CEP250: variants seen among roughly 807,000 people sequenced by gnomAD.
The protein encoded by CEP250 is centrosome-associated protein CEP250.
CEP250 carries 242 observed loss-of-function variants against 315.7 expected under a neutral mutation model. The ratio of observed to expected loss-of-function variants is 0.77; its 90% confidence interval spans 0.69 to 0.85. The LOEUF (loss-of-function observed/expected upper bound fraction) is 0.85. Among genes scored for constraint, CEP250 ranks in the 40% least tolerant of loss-of-function variants. CEP250 has a pLI of 0.00. For synonymous variants in CEP250, 1,088 were observed against 1,175.0 expected (o/e 0.93, Z 1.51); for missense variants, 2,515 against 2,886.4 (o/e 0.87, Z 2.95).
At chr20:35,511,146 G>A (rs2064343695) in intron 34 of CEP250, among the ~76,000 whole-genome samples, 1 of 152,184 alleles carries the variant, frequency 6.6e-6, no homozygotes, top group South Asian at 2.1e-4. Flanking sequence ...CGCTATTTGA[G>A]TCACATGTGC....
chr20:35,508,030 C>T lies in CEP250; in HGVS notation c.6751-5C>T. 1 of 1,614,138 alleles carries T rather than the reference C, an allele frequency of 6.2e-7. No individual in the cohort carries two copies. Among genetic ancestry groups the T allele is most frequent in the Non-Finnish European group, 8.5e-7 (1 of 1,180,016 alleles). On this transcript the variant is annotated splice_region_variant and splice_polypyrimidine_tract_variant and intron_variant, in intron 31 of 34. Transcript: ENST00000397527. ...CCAGGTGAGATTCACAGGTCTTTCC[C>T]ACAGGTCTCAGGAGTGGAGGCTGAG...
intron 4 of CEP250, among the ~76,000 whole-genome samples, chr20:35,463,271 C>T (rs1282243987): frequency 2.6e-5 from 4 of 152,126 alleles, no homozygotes; most frequent in Non-Finnish European, 4.4e-5. Context: ...AGTGTGGTGG[C>T]GCATGCCTGT....
intron 3 of CEP250, among the ~76,000 whole-genome samples, chr20:35,461,446 C>T (rs1388715802): frequency 1.3e-5 from 2 of 152,230 alleles, no homozygotes; most frequent in Non-Finnish European, 2.9e-5. Flanking sequence ...TGAAGGTCAC[C>T]GTTAGGCTGG....
At chr20:35,481,737 C>T (rs1394069081) in intron 20 of CEP250, among the ~76,000 whole-genome samples, 1 of 151,624 alleles carries the variant, frequency 6.6e-6, no homozygotes, top group African/African-American at 2.4e-5. Context: ...GGGTCTCACT[C>T]TGTCGCCTAG....
In CEP250 at chr20:35,498,677, C is replaced by T. The variant is rs61998233; in HGVS notation, c.3738C>T (p.His1246=). 2.7e-3 allele frequency: 4,254 copies of T among 1,603,664 alleles called. 76 individuals carry two copies. The African/African-American group carries it at 0.048, about 18-fold the overall frequency. The part of the protein sequence containing the change: ...LSAEAVASAL[H]KLHQDLWKTQ... The stretch of plus-strand genomic sequence containing the variant: ...CTGAGGCAGTAGCATCTGCCCTCCA[C>T]AAGCTTCATCAAGACCTGTGGAAGA... The change falls in exon 27 of 35, where the codon CAC becomes CAT. Residue 1246 remains histidine, a synonymous_variant. Coordinates refer to ENST00000397527, the MANE Select transcript of CEP250 (RefSeq NM_007186.6).
In CEP250 at chr20:35,466,181, A is replaced by G; in HGVS notation, c.469A>G (p.Ser157Gly). The G allele has an allele frequency of 6.2e-7, 1 of 1,601,528 alleles. No homozygotes were observed. The highest frequency in any genetic ancestry group is 8.5e-7 in the Non-Finnish European group (1 of 1,173,012). The change falls in exon 7 of 35, where the codon AGC (serine) becomes GGC (glycine). Residue 157 changes from serine to glycine, a missense_variant. Physicochemically the swap from Ser to Gly is moderately conservative, Grantham distance 56. Transcript: ENST00000397527. ...CCGGGATGAGCTAATGAGGAAGGAG[A>G]GCCAGTGGCAGATGGAGCAGGAGGT... ...RARDELMRKESQWQMEQEFFK... is the reference protein window; with the variant it reads ...RARDELMRKEGQWQMEQEFFK...
Position 35,477,935 on chromosome 20 carries a change from T to C in CEP250, c.1928T>C (p.Leu643Ser). The stretch of plus-strand genomic sequence containing the variant: ...GCCGCAGAGCAGGCGAGAAATGCTT[T>C]GCAGGTCGACCTGGCGGAGGCAGAG... ...MEAAEQARNA[L>S]QVDLAEAEKR... Residue 643 changes from leucine to serine, a missense_variant, in exon 17 of 35, where the codon TTG becomes TCG. Coordinates refer to ENST00000397527, the MANE Select transcript of CEP250 (RefSeq NM_007186.6). The C allele has an allele frequency of 5.0e-6, 8 of 1,609,392 alleles. No individual in the cohort carries two copies. The highest frequency in any genetic ancestry group is 6.8e-6 in the Non-Finnish European group (8 of 1,178,100).
In CEP250 at chr20:35,472,689, G is replaced by A; in HGVS notation, c.1067G>A (p.Gly356Glu). ...KDITQVMVEE[G>E]DNIAQGSGHE... ...GGGTTTCAGGTCATGGTGGAAGAAG[G>A]GGACAATATAGCCCAAGGCTCTGGT... Residue 356 changes from glycine (G) to glutamate (E), a missense_variant, in exon 12 of 35, where the codon GGG (glycine) becomes GAG (glutamate). Coordinates refer to ENST00000397527, the MANE Select transcript of CEP250 (RefSeq NM_007186.6). The A allele has an allele frequency of 6.2e-7, 1 of 1,614,152 alleles. No individual in the cohort carries two copies.
intron 16 of CEP250, 190 bp from the exon 17 acceptor site, chr20:35,477,681 C>A: frequency 1.7e-6 from 1 of 594,362 alleles, no homozygotes; most frequent in South Asian, 2.1e-5. Flanking sequence ...TCCCCAGCAT[C>A]CAGCCCATCT....
At position 35,478,103 on chromosome 20, in the gene CEP250, T is replaced by C; in HGVS notation, c.2094+2T>C. The C allele has an allele frequency of 6.2e-7, 1 of 1,601,930 alleles. No individual in the cohort carries two copies. Among genetic ancestry groups the C allele is most frequent in the Non-Finnish European group, 8.5e-7 (1 of 1,169,682 alleles). Reference sequence around the variant, plus strand: ...GAAATTCAAAAGAAACTAAGTGAGGTGAGAAGCCAAAATGGACACCATCAT... The same window carrying C: ...GAAATTCAAAAGAAACTAAGTGAGGCGAGAAGCCAAAATGGACACCATCAT... On this transcript the variant is annotated splice_donor_variant, in intron 17 of 34. Coordinates refer to ENST00000397527, the MANE Select transcript of CEP250 (RefSeq NM_007186.6). LOFTEE classifies it high-confidence loss of function.
intron 5 of CEP250, among the ~76,000 whole-genome samples, chr20:35,464,136 A>G (rs1389076001): frequency 6.6e-6 from 1 of 152,222 alleles, no homozygotes; most frequent in African/African-American, 2.4e-5. Flanking sequence ...AGGCACTGTC[A>G]TATACAGATG....
At position 35,515,986 on chromosome 20, in the gene CEP250, A is replaced by C. The variant is rs2064432211; in HGVS notation, c.*4360A>C. Reference sequence around the variant, plus strand: ...TTGATCTCACCCAACTCATTACATCAGTAGCCTGGTCACAGGGTGGACACT... The same window carrying C: ...TTGATCTCACCCAACTCATTACATCCGTAGCCTGGTCACAGGGTGGACACT... On this transcript the variant is annotated 3_prime_UTR_variant, in exon 35 of 35. Transcript: ENST00000397527. 6.6e-6 allele frequency: 1 copy of C among 152,296 alleles called. No homozygotes were observed. Among genetic ancestry groups the C allele is most frequent in the Admixed American group, 6.5e-5 (1 of 15,290 alleles). 9.4% of individuals were successfully genotyped at this position (152,296 alleles called of 1,614,324 possible). A position where few individuals can be genotyped will look rare whatever the true frequency, so the allele number is the denominator to read the frequency against.
At chr20:35,505,742 A>G (rs955687229) in intron 30 of CEP250, among the ~76,000 whole-genome samples, 1 of 151,962 alleles carries the variant, frequency 6.6e-6, no homozygotes, top group Non-Finnish European at 1.5e-5. Flanking sequence ...GAAGAGGAAA[A>G]GAGGGCGAGA....
At position 35,465,804 on chromosome 20, in the gene CEP250, G is replaced by A. The variant is rs367689090; in HGVS notation, c.305G>A (p.Arg102Gln). The A allele has an allele frequency of 3.0e-5, 48 of 1,609,208 alleles. No individual in the cohort carries two copies. Among genetic ancestry groups the A allele is most frequent in the Non-Finnish European group, 3.8e-5 (45 of 1,178,314 alleles). ...EEPNLDELLV[R>Q]LEEEQQRCES... ...CCAAACCTGGATGAGCTGCTGGTCC[G>A]ATTGGAGGAGGAGCAACAGAGGTGA... Residue 102 changes from arginine to glutamine, a missense_variant, in exon 6 of 35, where the codon CGA becomes CAA. Physicochemically the swap from Arg to Gln is conservative, Grantham distance 43. Transcript: ENST00000397527.
rs375458172 is a variant in CEP250 at position 35,466,035 on chromosome 20, G to A, written c.327-4G>A. 8 of 1,614,078 alleles carry A rather than the reference G, an allele frequency of 5.0e-6. No homozygotes were observed. The African/African-American group carries it at 1.1e-4, about 22-fold the overall frequency. On this transcript the variant is annotated splice_polypyrimidine_tract_variant and splice_region_variant and intron_variant, in intron 6 of 34. Coordinates refer to ENST00000397527, the MANE Select transcript of CEP250 (RefSeq NM_007186.6). ...GCACCCACTTTTACCCCTCCCCAGT[G>A]CAGGTGTGAGAGTCTAGCAGAGGTG...
chr20:35,469,951 A>G lies in CEP250; in HGVS notation c.913A>G (p.Met305Val), dbSNP rs146309487. The change falls in exon 10 of 35, where the codon ATG (methionine) becomes GTG (valine). Residue 305 changes from methionine to valine, a missense_variant. Transcript: ENST00000397527. ...GAAGCAAAATGAAGATTATGAAAAG[A>G]TGATAAAGGCTCTGAGAGAGACAGT... Reference protein sequence around the residue: ...SQKQNEDYEKMIKALRETVEI... With the variant: ...SQKQNEDYEKVIKALRETVEI... 177 of 1,613,792 alleles carry G rather than the reference A, an allele frequency of 1.1e-4. No individual in the cohort carries two copies. The highest frequency in any genetic ancestry group is 1.4e-4 in the Non-Finnish European group (163 of 1,179,832).
In CEP250 at chr20:35,511,428, AG is replaced by A; in HGVS notation, c.7132del (p.Ala2378HisfsTer7). On this transcript the variant is annotated frameshift_variant, in exon 35 of 35. Transcript: ENST00000397527. LOFTEE classifies it high-confidence loss of function. ...AGAAGCAGGACTACATCACCCGCTCAGCACAGACCAGCCGTGAGCTAGCAGG... is the reference window on the plus strand; with the variant it reads ...AGAAGCAGGACTACATCACCCGCTCACACAGACCAGCCGTGAGCTAGCAGG... ...KQKQDYITRS[A>X]QTSRELAGLH... 1 of 1,613,754 alleles carries A rather than the reference AG, an allele frequency of 6.2e-7. No individual in the cohort carries two copies. The highest frequency in any genetic ancestry group is 1.1e-5 in the South Asian group (1 of 91,078).
intron 31 of CEP250, 37 bp from the exon 32 acceptor site, chr20:35,507,998 G>A: frequency 6.2e-7 from 1 of 1,613,472 alleles, no homozygotes; most frequent in South Asian, 1.1e-5. Context: ...CCTGTCTTAG[G>A]GGCTGCCCAG....
Position 35,511,379 on chromosome 20 carries a change from C to T in CEP250, c.7082C>T (p.Ala2361Val), listed in dbSNP as rs1377785881. ...ELQKEVVLLQ[A>V]QLTLERKQKQ... is the part of the protein sequence containing the mutation. Reference sequence around the variant, plus strand: ...GCCCACCAGGTGGTCCTGCTGCAAGCTCAGCTGACTTTGGAGCGGAAGCAG... The same window carrying T: ...GCCCACCAGGTGGTCCTGCTGCAAGTTCAGCTGACTTTGGAGCGGAAGCAG... The change falls in exon 35 of 35, where the codon GCT (alanine) becomes GTT (valine). Residue 2361 changes from alanine (A) to valine (V), a missense_variant. Ala to Val is a moderately conservative substitution (Grantham distance 64). Coordinates refer to ENST00000397527, the MANE Select transcript of CEP250 (RefSeq NM_007186.6). 1 of 1,608,858 alleles carries T rather than the reference C, an allele frequency of 6.2e-7. No homozygotes were observed. Among genetic ancestry groups the T allele is most frequent in the Admixed American group, 1.7e-5 (1 of 59,760 alleles).
Sources: allele counts gnomAD v4.1 joint callset (sites outside exome capture counted in the v4.1 genomes callset), GRCh38; gene constraint gnomAD v4.1.1; transcripts MANE v1.5; gene names NCBI Gene and HGNC (gene_info 2026-07-23, HGNC 2026-07-21).